Variants in GPI observed in about 807,000 individuals in gnomAD.
GPI encodes the protein D-hexose-6-phosphate anomerase.
A neutral mutation model predicts 75.8 loss-of-function variants in GPI; 56 were observed. The observed-to-expected ratio is 0.74, with a 90% CI of 0.60 to 0.92. The LOEUF (loss-of-function observed/expected upper bound fraction) is 0.92, where lower values mean the gene tolerates loss of function less well. Ranked by LOEUF, GPI falls within the 40% of genes least tolerant of loss-of-function variation. GPI has a pLI of 0.00. For missense variants in GPI, 638 were observed against 741.0 expected, an observed-to-expected ratio of 0.86 and a Z score of 1.61; for synonymous variants, 288 against 285.4, an observed-to-expected ratio of 1.01 and a Z score of -0.09.
intron 4 of GPI, among the ~76,000 whole-genome samples, chr19:34,370,332 G>A (rs1188840637): frequency 1.3e-5 from 2 of 152,172 alleles, no homozygotes; most frequent in Non-Finnish European, 2.9e-5. Context: ...CCAAACTCTT[G>A]TCAGCTGTGA....
chr19:34,393,941 GAGA>G lies in GPI; in HGVS notation c.942_944del (p.Lys314del). The G allele has an allele frequency of 5.0e-6, 8 of 1,613,704 alleles. No homozygotes were observed. Among genetic ancestry groups the G allele is most frequent in the Non-Finnish European group, 5.9e-6 (7 of 1,179,960 alleles). Reference sequence around the variant, plus strand: ...CCAGCACTTCCGCACGACGCCCCTGGAGAAGAACGCCCCCGTCTTGCTGGCCCT... The same window carrying G: ...CCAGCACTTCCGCACGACGCCCCTGGAGAACGCCCCCGTCTTGCTGGCCCT... On this transcript the variant is annotated inframe_deletion, in exon 12 of 18. Coordinates refer to ENST00000356487, the MANE Select transcript of GPI (RefSeq NM_000175.5). This position sits in a 1 kb window ranked among gnomAD's most constrained non-coding sequence, Gnocchi z 4.4.
chr19:34,372,017 G>A (rs1320872586), intron 4 of GPI, among the ~76,000 whole-genome samples: 2 of 150,402 alleles, frequency 1.3e-5, no homozygotes, highest in South Asian at 2.1e-4. Context: ...TGCAACCTCC[G>A]CCTCCCAGGT....
intron 1 of GPI, chr19:34,365,661 C>T (rs1266177677): frequency 1.6e-5 from 10 of 621,392 alleles, no homozygotes; most frequent in East Asian, 1.4e-4. Flanking sequence ...TCCCCTCCTC[C>T]TCCCCGTGCA....
Position 34,399,292 on chromosome 19 carries a change from C to A in GPI, c.1355C>A (p.Ala452Glu). 6.2e-7 allele frequency: 1 copy of A among 1,614,060 alleles called. No homozygotes were observed. Among genetic ancestry groups the A allele is most frequent in the Non-Finnish European group, 8.5e-7 (1 of 1,179,990 alleles). ...GAGGCCCGAAAGGAGCTCCAGGCTGCGGGCAAGAGTCCAGAGGACCTTGAG... is the reference window on the plus strand; with the variant it reads ...GAGGCCCGAAAGGAGCTCCAGGCTGAGGGCAAGAGTCCAGAGGACCTTGAG... Reference protein sequence around the residue: ...TEEARKELQAAGKSPEDLERL... With the variant: ...TEEARKELQAEGKSPEDLERL... The change falls in exon 15 of 18, where the codon GCG becomes GAG. Residue 452 changes from alanine to glutamate, a missense_variant. Physicochemically the swap from Ala to Glu is moderately radical, Grantham distance 107. Transcript: ENST00000356487.
At chr19:34,370,861 T>C (rs1243525803) in intron 4 of GPI, among the ~76,000 whole-genome samples, 1 of 152,226 alleles carries the variant, frequency 6.6e-6, no homozygotes, top group African/African-American at 2.4e-5. Flanking sequence ...GAGTCTGTAC[T>C]GAGCTGAGAT....
chr19:34,365,245 CAG>C lies in GPI; in HGVS notation c.-21_-20del. The C allele has an allele frequency of 6.5e-7, 1 of 1,533,480 alleles. No homozygotes were observed. Among genetic ancestry groups the C allele is most frequent in the Non-Finnish European group, 8.7e-7 (1 of 1,143,008 alleles). The allele number at this position is 1,533,480 out of a possible 1,614,324, so 95.0% of individuals were successfully genotyped here. A position where few individuals can be genotyped will look rare whatever the true frequency, so the allele number is the denominator to read the frequency against. ...CTTCCTCCTCGGCTCGCGTCTCACT[CAG>C]TGTACCTTCTAGTCCCGCCATGGCC... On this transcript the variant is annotated 5_prime_UTR_variant, in exon 1 of 18. Coordinates refer to ENST00000356487, the MANE Select transcript of GPI (RefSeq NM_000175.5).
At chr19:34,367,187 T>G (rs567074473) in intron 3 of GPI, 1 of 407,816 alleles carries the variant, frequency 2.5e-6, no homozygotes, top group South Asian at 2.1e-5. Context: ...AAGAAGAATC[T>G]TAGATCACCA....
At chr19:34,387,283 T>TG (rs2074750359) in intron 9 of GPI, among the ~76,000 whole-genome samples, 1 of 152,234 alleles carries the variant, frequency 6.6e-6, no homozygotes, top group African/African-American at 2.4e-5. Flanking sequence ...TGCTCAGTGC[T>TG]GGTATGTTTA....
chr19:34,374,462 A>G (rs1306098210), intron 4 of GPI, among the ~76,000 whole-genome samples: 1 of 152,164 alleles, frequency 6.6e-6, no homozygotes, highest in African/African-American at 2.4e-5. Flanking sequence ...TTCCTTCCAC[A>G]CACAGATACC....
rs8191421 is a variant in GPI at position 34,396,463 on chromosome 19, G to A, written c.1192+33G>A. The A allele has an allele frequency of 5.3e-4, 850 of 1,613,718 alleles. 5 individuals carry two copies. In the African/African-American group the frequency reaches 8.8e-3, roughly 17 times the overall value. ...CCTGTGGCCTGGGAAGGGTGATGTT[G>A]GGGGAGGGAAAGGATCTTCCAGAAG... On this transcript the variant is annotated intron_variant, in intron 13 of 17. Coordinates refer to ENST00000356487, the MANE Select transcript of GPI (RefSeq NM_000175.5).
At chr19:34,391,489 AGG>A (rs1479502907) in intron 9 of GPI, among the ~76,000 whole-genome samples, 1 of 866 alleles carries the variant, frequency 1.2e-3, no homozygotes, top group South Asian at 0.024. Context: ...CCAGTGACTT[AGG>A]AGGTACGATC....
chr19:34,396,538 C>T (rs2074948130), intron 13 of GPI, 43 bp from the exon 14 acceptor site: 2 of 1,611,142 alleles, frequency 1.2e-6, no homozygotes, highest in Non-Finnish European at 1.7e-6. Flanking sequence ...TGGCTAGCTC[C>T]CATGGGCTGG....
intron 4 of GPI, among the ~76,000 whole-genome samples, chr19:34,375,980 C>T (rs891472885): frequency 2.6e-5 from 4 of 152,236 alleles, no homozygotes; most frequent in African/African-American, 9.6e-5. Flanking sequence ...CAACATTTCA[C>T]ATCTCTTGGT....
chr19:34,399,457 C>T (rs1418160745), intron 15 of GPI, 99 bp from the exon 16 acceptor site: 9 of 1,560,108 alleles, frequency 5.8e-6, no homozygotes, highest in South Asian at 3.4e-5. Flanking sequence ...CCTGTCCTCA[C>T]AGACCTGCAC....
At chr19:34,378,516 A>G (rs1470472589) in intron 6 of GPI, among the ~76,000 whole-genome samples, 2 of 152,024 alleles carry the variant, frequency 1.3e-5, no homozygotes, top group Non-Finnish European at 2.9e-5. Context: ...ATGCCCAGCC[A>G]TGCTTGCTCC....
chr19:34,392,057 A>T (rs75662846), intron 9 of GPI: 77 of 978 alleles, frequency 0.079, no homozygotes, highest in East Asian at 0.17. Context: ...GATCTGGTAC[A>T]GGTGTGAGGA....
chr19:34,368,498 C>T, intron 3 of GPI, 85 bp from the exon 4 acceptor site: 4 of 1,491,394 alleles, frequency 2.7e-6, no homozygotes, highest in Non-Finnish European at 3.7e-6. Flanking sequence ...GGATAGAGGG[C>T]CGAGCTATGG....
chr19:34,365,574 G>A, intron 1 of GPI, 186 bp downstream of exon 1: 2 of 1,009,334 alleles, frequency 2.0e-6, no homozygotes, highest in South Asian at 1.4e-5. Context: ...GTTCCTGGGG[G>A]CTTGCAGCCT....
At chr19:34,381,131 C>T (rs1455087351) in intron 8 of GPI, 6 of 422,392 alleles carry the variant, frequency 1.4e-5, no homozygotes, top group African/African-American at 1.0e-4. Flanking sequence ...GGGTATCATG[C>T]TCTGGTGTCC....
Sources: allele counts gnomAD v4.1 joint callset (sites outside exome capture counted in the v4.1 genomes callset), GRCh38; gene constraint gnomAD v4.1.1; non-coding constraint Gnocchi (gnomAD v3.1); transcripts MANE v1.5; gene names NCBI Gene and HGNC (gene_info 2026-07-23, HGNC 2026-07-21).